The following GRK5 variants were observed in gnomAD, a reference collection of about 807,000 sequenced individuals.
GRK5 encodes G protein-coupled receptor kinase 5.
Under a neutral mutation model 78.4 loss-of-function variants are expected in GRK5, and 40 were observed. The observed-to-expected ratio is 0.51, with a 90% CI of 0.40 to 0.66. The LOEUF is 0.66. Among genes scored for constraint, GRK5 ranks in the 30% least tolerant of loss-of-function variants. GRK5 has a pLI of 0.00. For synonymous variants in GRK5, 289 were observed against 296.8 expected (o/e 0.97, Z 0.27); for missense variants, 598 against 759.9 (o/e 0.79, Z 2.50).
At position 119,217,492 on chromosome 10, in the gene GRK5, T is replaced by G. The variant is rs1454369792; in HGVS notation, c.52+9523T>G. On this transcript the variant is annotated intron_variant, in intron 1 of 15. Coordinates refer to ENST00000392870, the MANE Select transcript of GRK5 (RefSeq NM_005308.3). The surrounding 1 kb of genome is among the most constrained non-coding windows in gnomAD (Gnocchi z 4.1). The stretch of plus-strand genomic sequence containing the variant: ...CTGTGGAGGCCCATTACCTGTACTC[T>G]CTCGCTGCCTGGGCCCCTCCTACCA... Among the ~76,000 whole-genome samples, 2 of 152,200 alleles carry G rather than the reference T, an allele frequency of 1.3e-5. No homozygotes were observed. Among genetic ancestry groups the G allele is most frequent in the East Asian group, 3.9e-4 (2 of 5,186 alleles).
intron 1 of GRK5, among the ~76,000 whole-genome samples, chr10:119,215,830 A>G (rs75803245): frequency 0.038 from 5,845 of 152,150 alleles, 379 homozygotes; most frequent in African/African-American, 0.13. Context: ...TATTTAAAAA[A>G]ACAATTAAGT....
intron 8 of GRK5, among the ~76,000 whole-genome samples, chr10:119,432,685 A>G (rs977737149): frequency 6.6e-6 from 1 of 152,084 alleles, no homozygotes; most frequent in African/African-American, 2.4e-5. Flanking sequence ...CTCTAGTCAC[A>G]CCCCTTTTTA....
chr10:119,229,995 CG>C (rs1241946562), intron 1 of GRK5, among the ~76,000 whole-genome samples: 1 of 152,040 alleles, frequency 6.6e-6, no homozygotes, highest in East Asian at 1.9e-4. Flanking sequence ...TATGAGGTTA[CG>C]GGGTGTGAGG....
chr10:119,368,492 C>A (rs1223874842), intron 2 of GRK5, among the ~76,000 whole-genome samples: 1 of 152,232 alleles, frequency 6.6e-6, no homozygotes, highest in Non-Finnish European at 1.5e-5. Context: ...CCATTCCCAC[C>A]AGGCTCACAG....
intron 2 of GRK5, among the ~76,000 whole-genome samples, chr10:119,353,935 T>TC (rs200325441): frequency 0.011 from 1,645 of 146,996 alleles, 13 homozygotes; most frequent in Middle Eastern, 0.063. Flanking sequence ...TTTCTTTCTT[T>TC]TTTTTTTTTT....
chr10:119,420,174 G>A (rs1450490675), intron 4 of GRK5, among the ~76,000 whole-genome samples: 1 of 152,138 alleles, frequency 6.6e-6, no homozygotes, highest in African/African-American at 2.4e-5. Context: ...AGCCACCTCA[G>A]GATATGATTC....
intron 1 of GRK5, among the ~76,000 whole-genome samples, chr10:119,268,353 G>A (rs113871757): frequency 1.5e-3 from 225 of 152,274 alleles, no homozygotes; most frequent in African/African-American, 4.9e-3. Flanking sequence ...ATTCACTGCC[G>A]GAGAAGCCCC....
In GRK5 at chr10:119,412,109, C is replaced by T. The variant is rs1211853102; in HGVS notation, c.340-11057C>T. Among the ~76,000 whole-genome samples, 1 of 152,134 alleles carries T rather than the reference C, an allele frequency of 6.6e-6. No individual in the cohort carries two copies. Among genetic ancestry groups the T allele is most frequent in the Non-Finnish European group, 1.5e-5 (1 of 68,008 alleles). The stretch of plus-strand genomic sequence containing the variant: ...CAGGTGATCCACCTCCCTCGGCCTC[C>T]CAAAGTGCTGGGATTCCAGGCGTGA... On this transcript the variant is annotated intron_variant, in intron 4 of 15. Transcript: ENST00000392870. The surrounding 1 kb of genome is among the most constrained non-coding windows in gnomAD (Gnocchi z 4.3).
intron 1 of GRK5, among the ~76,000 whole-genome samples, chr10:119,273,594 G>A (rs974879010): frequency 1.2e-4 from 19 of 152,166 alleles, no homozygotes; most frequent in Non-Finnish European, 1.5e-5. Context: ...GATGGGCCGC[G>A]GCTTTGACCC....
intron 1 of GRK5, among the ~76,000 whole-genome samples, chr10:119,320,978 G>T (rs1407640600): frequency 6.6e-6 from 1 of 152,250 alleles, no homozygotes; most frequent in Non-Finnish European, 1.5e-5. Context: ...CCCCTCTCAG[G>T]ATACAGAGAA....
chr10:119,386,621 G>A (rs1213431618), intron 3 of GRK5, among the ~76,000 whole-genome samples: 1 of 152,174 alleles, frequency 6.6e-6, no homozygotes, highest in Non-Finnish European at 1.5e-5. Context: ...TGCCACTCAC[G>A]AGGGGCCGAC....
chr10:119,321,041 A>G (rs1183726806), intron 1 of GRK5, among the ~76,000 whole-genome samples: 1 of 152,242 alleles, frequency 6.6e-6, no homozygotes, highest in African/African-American at 2.4e-5. Flanking sequence ...GTTATCAAAT[A>G]TGCAGCTTCA....
At chr10:119,248,994 C>G (rs192161236) in intron 1 of GRK5, among the ~76,000 whole-genome samples, 1 of 152,108 alleles carries the variant, frequency 6.6e-6, no homozygotes, top group Non-Finnish European at 1.5e-5. Context: ...ACTAGCTGGG[C>G]GCGGTGGCTC....
At chr10:119,384,359 GCAGAGTGCAGCCTC>G (rs1851759623) in intron 3 of GRK5, among the ~76,000 whole-genome samples, 2 of 152,344 alleles carry the variant, frequency 1.3e-5, no homozygotes, top group South Asian at 4.1e-4. Context: ...GGTGCATGAT[GCAGAGTGCAGCCTC>G]CAGAGATAGG....
intron 8 of GRK5, 29 bp from the exon 9 acceptor site, chr10:119,436,622 T>TC: frequency 6.2e-7 from 1 of 1,611,706 alleles, no homozygotes; most frequent in Non-Finnish European, 8.5e-7. Context: ...TGTCACAACC[T>TC]CCCCATGGCA....
chr10:119,433,185 G>T (rs1429206582), intron 8 of GRK5, among the ~76,000 whole-genome samples: 2 of 152,226 alleles, frequency 1.3e-5, no homozygotes, highest in Admixed American at 1.3e-4. Context: ...GCCTTGTCGG[G>T]GGTGCAGGTG....
At chr10:119,444,621 A>C (rs529497735) in intron 12 of GRK5, among the ~76,000 whole-genome samples, 1 of 152,150 alleles carries the variant, frequency 6.6e-6, no homozygotes, top group South Asian at 2.1e-4. Context: ...GCTGCCCTCT[A>C]ATGCCAGCCT....
chr10:119,275,383 G>A (rs986538606), intron 1 of GRK5, among the ~76,000 whole-genome samples: 3 of 152,176 alleles, frequency 2.0e-5, no homozygotes, highest in African/African-American at 7.2e-5. Context: ...CGGGCCTCCA[G>A]GTGAAAGCCT....
intron 1 of GRK5, among the ~76,000 whole-genome samples, chr10:119,275,613 G>GCGCGCACACACACACA (rs1195537574): frequency 1.7e-5 from 2 of 120,678 alleles, no homozygotes; most frequent in African/African-American, 5.8e-5. Context: ...TCTCTCTCTC[G>GCGCGCACACACACACA]CACACACACA....
Sources: allele counts gnomAD v4.1 joint callset (sites outside exome capture counted in the v4.1 genomes callset), GRCh38; gene constraint gnomAD v4.1.1; non-coding constraint Gnocchi (gnomAD v3.1); transcripts MANE v1.5; gene names NCBI Gene and HGNC (gene_info 2026-07-23, HGNC 2026-07-21).